The following GRIA1 variants were observed in gnomAD, a reference collection of about 807,000 sequenced individuals.
The protein encoded by GRIA1 is glutamate ionotropic receptor AMPA type subunit 1, also known as glutamate receptor 1.
Under a neutral mutation model 99.2 loss-of-function variants are expected in GRIA1, and 31 were observed. The ratio of observed to expected loss-of-function variants is 0.31; its 90% confidence interval spans 0.23 to 0.42. The LOEUF (loss-of-function observed/expected upper bound fraction) is 0.42, where lower values mean the gene tolerates loss of function less well. Ranked by LOEUF, GRIA1 falls within the 10% of genes least tolerant of loss-of-function variation. GRIA1 has a pLI of 1.00. For synonymous variants in GRIA1, 438 were observed against 432.4 expected, an observed-to-expected ratio of 1.01 and a Z score of -0.16; for missense variants, 782 against 1,157.5, an observed-to-expected ratio of 0.68 and a Z score of 4.71.
chr5:153,777,003 C>T (rs1001786986), intron 13 of GRIA1, among the ~76,000 whole-genome samples: 6 of 152,148 alleles, frequency 3.9e-5, no homozygotes, highest in Admixed American at 2.0e-4. Context: ...AATTGGGAAA[C>T]AAATAAGCAA....
chr5:153,672,801 T>C (rs1284704028), intron 5 of GRIA1, among the ~76,000 whole-genome samples: 1 of 152,194 alleles, frequency 6.6e-6, no homozygotes, highest in Non-Finnish European at 1.5e-5. Flanking sequence ...CTGCTCATTT[T>C]CCCATTTCAT....
intron 11 of GRIA1, among the ~76,000 whole-genome samples, chr5:153,720,746 G>A (rs1035652520): frequency 3.3e-5 from 5 of 152,144 alleles, no homozygotes; most frequent in Non-Finnish European, 1.5e-5. Context: ...TTTCTTCTCA[G>A]GCCTCAGGTT....
chr5:153,518,513 C>T (rs939636897), intron 2 of GRIA1, among the ~76,000 whole-genome samples: 8 of 152,192 alleles, frequency 5.3e-5, no homozygotes, highest in African/African-American at 1.7e-4. Context: ...ACAGCCACTA[C>T]TCTGAAGCTG....
chr5:153,517,039 G>C (rs1756691138), intron 2 of GRIA1, among the ~76,000 whole-genome samples: 1 of 152,104 alleles, frequency 6.6e-6, no homozygotes, highest in Admixed American at 6.6e-5. Flanking sequence ...CAGGAGGTGG[G>C]AGGAGAGCAG....
intron 11 of GRIA1, among the ~76,000 whole-genome samples, chr5:153,733,732 C>T (rs1204028504): frequency 1.3e-5 from 2 of 152,052 alleles, no homozygotes; most frequent in Admixed American, 6.6e-5. Context: ...AGAAAAAATA[C>T]ACTTTAAGTC....
intron 2 of GRIA1, among the ~76,000 whole-genome samples, chr5:153,547,529 T>C (rs1759719346): frequency 6.6e-6 from 1 of 152,166 alleles, no homozygotes; most frequent in Admixed American, 6.5e-5. Flanking sequence ...CTACTTCTTA[T>C]TCCCCATGTG....
At chr5:153,688,954 G>A (rs569228463) in intron 8 of GRIA1, among the ~76,000 whole-genome samples, 11 of 151,980 alleles carry the variant, frequency 7.2e-5, no homozygotes, top group Admixed American at 2.0e-4. Context: ...ACTCCTGACC[G>A]TGTGATCCAT....
intron 2 of GRIA1, among the ~76,000 whole-genome samples, chr5:153,579,027 G>C (rs1177919930): frequency 1.3e-5 from 2 of 152,196 alleles, no homozygotes; most frequent in Admixed American, 1.3e-4. Flanking sequence ...GAGGTTGTCT[G>C]AGTGTCAGAT....
chr5:153,663,579 A>G (rs1229449067), intron 5 of GRIA1, among the ~76,000 whole-genome samples: 2 of 152,198 alleles, frequency 1.3e-5, no homozygotes, highest in Non-Finnish European at 2.9e-5. Context: ...GAGTTAATGT[A>G]TGTAAAGTTT....
chr5:153,776,220 C>T lies in GRIA1; in HGVS notation c.2270+5805C>T, dbSNP rs578092966. ...TAATGAATGTGGTCATGAGTTACAA[C>T]GGGATGCAGACACTTGGGAGAAGTG... On this transcript the variant is annotated intron_variant, in intron 13 of 15. Transcript: ENST00000285900. Among the ~76,000 whole-genome samples, 20 of 152,202 alleles carry T rather than the reference C, an allele frequency of 1.3e-4. 1 individual carries two copies. The highest frequency in any genetic ancestry group is 4.6e-4 in the African/African-American group (19 of 41,536).
chr5:153,658,841 T>C (rs1329076330), intron 5 of GRIA1, among the ~76,000 whole-genome samples: 1 of 152,162 alleles, frequency 6.6e-6, no homozygotes, highest in Non-Finnish European at 1.5e-5. Context: ...CCAGCAGCAT[T>C]CTTTTAGCAG....
chr5:153,595,434 AG>A (rs1764344778), intron 2 of GRIA1, among the ~76,000 whole-genome samples: 1 of 152,152 alleles, frequency 6.6e-6, no homozygotes, highest in African/African-American at 2.4e-5. Context: ...ATACTTGTTT[AG>A]CTAGCTCTTT....
At chr5:153,650,813 C>T (rs1264765850) in intron 4 of GRIA1, among the ~76,000 whole-genome samples, 2 of 146,886 alleles carry the variant, frequency 1.4e-5, no homozygotes, top group East Asian at 2.0e-4. Context: ...AATCTCAGCA[C>T]TTTGGGAGAC....
In GRIA1 at chr5:153,603,614, T is replaced by C. The variant is rs1023319279; in HGVS notation, c.221-43314T>C. ...CTGGAGCCTATTTTCATACCGAATA[T>C]GTAAATATCGACATCTCTGCTCTAG... On this transcript the variant is annotated intron_variant, in intron 2 of 15. Coordinates refer to ENST00000285900, the MANE Select transcript of GRIA1 (RefSeq NM_000827.4). Among the ~76,000 whole-genome samples, 3 of 152,190 alleles carry C rather than the reference T, an allele frequency of 2.0e-5. 1 individual carries two copies. Among genetic ancestry groups the C allele is most frequent in the Admixed American group, 2.0e-4 (3 of 15,278 alleles).
At chr5:153,498,728 AT>A (rs1056024103) in intron 2 of GRIA1, among the ~76,000 whole-genome samples, 1 of 152,124 alleles carries the variant, frequency 6.6e-6, no homozygotes, top group African/African-American at 2.4e-5. Flanking sequence ...GATTTCTGGC[AT>A]CTTTAAAAAA....
intron 15 of GRIA1, among the ~76,000 whole-genome samples, chr5:153,809,127 T>C (rs1032406973): frequency 6.6e-6 from 1 of 152,208 alleles, no homozygotes; most frequent in African/African-American, 2.4e-5. Flanking sequence ...TGATAGACAT[T>C]CCAAGCTAAT....
intron 2 of GRIA1, among the ~76,000 whole-genome samples, chr5:153,623,221 G>GA (rs564138765): frequency 8.2e-4 from 123 of 150,920 alleles, no homozygotes; most frequent in African/African-American, 2.3e-3. Context: ...GGCTCAATTG[G>GA]AAAAAAAAAT....
intron 14 of GRIA1, among the ~76,000 whole-genome samples, chr5:153,798,866 C>T (rs796709304): frequency 5.9e-5 from 9 of 152,212 alleles, no homozygotes; most frequent in African/African-American, 2.2e-4. Context: ...GGGAAATCTC[C>T]TTTCCATATG....
intron 3 of GRIA1, 67 bp from the exon 4 acceptor site, chr5:153,650,263 A>T: frequency 7.0e-7 from 1 of 1,426,958 alleles, no homozygotes; most frequent in Non-Finnish European, 9.7e-7. Context: ...TAGGTGCCTG[A>T]TGGGAGTGGG....
Sources: allele counts gnomAD v4.1 joint callset (sites outside exome capture counted in the v4.1 genomes callset), GRCh38; gene constraint gnomAD v4.1.1; transcripts MANE v1.5; gene names NCBI Gene and HGNC (gene_info 2026-07-23, HGNC 2026-07-21).